The following RIC1 variants were observed in gnomAD, a reference collection of about 807,000 sequenced individuals.
RIC1 encodes guanine nucleotide exchange factor subunit RIC1.
RIC1 carries 88 observed loss-of-function variants against 169.0 expected under a neutral mutation model. The observed-to-expected ratio is 0.52, with a 90% CI of 0.44 to 0.62. RIC1 has a LOEUF of 0.62. RIC1 is among the 20% of genes least tolerant of loss of function. RIC1 has a pLI of 0.00. For missense variants in RIC1, 1,877 were observed against 1,725.5 expected (o/e 1.09, Z -1.56); for synonymous variants, 790 against 601.5 (o/e 1.31, Z -4.59).
intron 1 of RIC1, among the ~76,000 whole-genome samples, chr9:5,647,374 C>A (rs905464616): frequency 6.6e-6 from 1 of 152,204 alleles, no homozygotes; most frequent in Admixed American, 6.5e-5. Context: ...AAAGGACTTA[C>A]ATTGACTATG....
intron 2 of RIC1, among the ~76,000 whole-genome samples, chr9:5,664,246 C>CAA (rs1819624545): frequency 1.3e-5 from 2 of 152,026 alleles, no homozygotes; most frequent in African/African-American, 4.8e-5. Flanking sequence ...CCCATCTCTA[C>CAA]TAAAAATACA....
intron 9 of RIC1, among the ~76,000 whole-genome samples, chr9:5,743,329 A>G (rs1825188808): frequency 6.6e-6 from 1 of 152,184 alleles, no homozygotes; most frequent in Admixed American, 6.6e-5. Flanking sequence ...TAAGGCATGT[A>G]CATAAATAGT....
At chr9:5,656,975 G>A (rs117546677) in intron 2 of RIC1, among the ~76,000 whole-genome samples, 6,900 of 150,312 alleles carry the variant, frequency 0.046, 240 homozygotes, top group African/African-American at 0.085. Flanking sequence ...AAGTCTAACT[G>A]CTTTACTAAT....
chr9:5,745,465 A>G (rs1825322041), intron 10 of RIC1, among the ~76,000 whole-genome samples: 1 of 152,170 alleles, frequency 6.6e-6, no homozygotes, highest in Non-Finnish European at 1.5e-5. Context: ...CAAAAAGCCA[A>G]GCTATAATGA....
chr9:5,767,347 A>G (rs901170868), intron 21 of RIC1, among the ~76,000 whole-genome samples: 1 of 152,190 alleles, frequency 6.6e-6, no homozygotes, highest in Non-Finnish European at 1.5e-5. Flanking sequence ...ATGACTATGA[A>G]TTCACACTAA....
chr9:5,671,151 T>C (rs1296009909), intron 2 of RIC1, among the ~76,000 whole-genome samples: 3 of 152,106 alleles, frequency 2.0e-5, no homozygotes, highest in African/African-American at 7.2e-5. Flanking sequence ...GAATTCAGGC[T>C]CCTCTCCTCC....
intron 2 of RIC1, among the ~76,000 whole-genome samples, chr9:5,688,678 A>C (rs191262426): frequency 1.8e-4 from 27 of 152,332 alleles, no homozygotes; most frequent in African/African-American, 6.3e-4. Context: ...GTCAAAAAGA[A>C]AGCAAACCAC....
intron 3 of RIC1, among the ~76,000 whole-genome samples, chr9:5,711,818 A>G (rs1286517292): frequency 1.3e-5 from 2 of 152,172 alleles, no homozygotes; most frequent in African/African-American, 2.4e-5. Context: ...GAGTGAGAAC[A>G]TGCGGTGTTT....
At chr9:5,762,687 T>A in intron 18 of RIC1, 27 bp downstream of exon 18, 1 of 1,608,330 alleles carries the variant, frequency 6.2e-7, no homozygotes, top group Non-Finnish European at 8.5e-7. Flanking sequence ...TCATTTCTTT[T>A]CAAACATTAA....
chr9:5,757,337 A>G lies in RIC1; in HGVS notation c.1878A>G (p.Gln626=), dbSNP rs201667482. Residue 626 remains glutamine, a synonymous_variant, in exon 17 of 26, where the codon CAA becomes CAG. Coordinates refer to ENST00000414202, the MANE Select transcript of RIC1 (RefSeq NM_020829.4). ...GTCCAAATACTACTGCTGGTATTCA[A>G]GTTCTTCAGGAGGTTTCCATGTCAC... ...SDGPNTTAGI[Q]VLQEVSMSRY... is the part of the protein sequence containing the mutation. The G allele has an allele frequency of 2.7e-4, 438 of 1,614,040 alleles. 1 individual carries two copies. In the South Asian group the frequency reaches 3.9e-3, roughly 14 times the overall value.
At chr9:5,684,261 C>T (rs1320389899) in intron 2 of RIC1, among the ~76,000 whole-genome samples, 1 of 94,328 alleles carries the variant, frequency 1.1e-5, no homozygotes, top group Non-Finnish European at 2.0e-5. Flanking sequence ...TCCTATTTGG[C>T]CATCTTGGCT....
chr9:5,744,383 A>T (rs867439407), intron 10 of RIC1, among the ~76,000 whole-genome samples: 13 of 152,182 alleles, frequency 8.5e-5, no homozygotes, highest in South Asian at 4.1e-4. Context: ...CATATTTTTT[A>T]AAATTTACAT....
intron 3 of RIC1, among the ~76,000 whole-genome samples, chr9:5,710,692 G>T (rs1363274375): frequency 6.6e-6 from 1 of 152,146 alleles, no homozygotes; most frequent in African/African-American, 2.4e-5. Context: ...ATACTTGAAG[G>T]AATGAAAACA....
intron 2 of RIC1, among the ~76,000 whole-genome samples, chr9:5,689,342 C>T (rs146278087): frequency 1.2e-4 from 18 of 152,186 alleles, no homozygotes; most frequent in African/African-American, 4.1e-4. Context: ...TGAGCCACCG[C>T]GCCCGGCCTA....
chr9:5,630,490 G>T (rs528977252), intron 1 of RIC1, among the ~76,000 whole-genome samples: 4 of 152,154 alleles, frequency 2.6e-5, no homozygotes, highest in Non-Finnish European at 5.9e-5. Context: ...AAATCTTTGT[G>T]TGTTGCTGTT....
chr9:5,680,159 G>A (rs886642921), intron 2 of RIC1, among the ~76,000 whole-genome samples: 5 of 152,172 alleles, frequency 3.3e-5, no homozygotes, highest in African/African-American at 9.7e-5. Flanking sequence ...ATTTTCGTAT[G>A]TTGAACCAGC....
chr9:5,646,477 A>T (rs1818520019), intron 1 of RIC1, among the ~76,000 whole-genome samples: 2 of 152,196 alleles, frequency 1.3e-5, no homozygotes, highest in South Asian at 2.1e-4. Context: ...AGTGTAATGC[A>T]TTACTTTTTC....
chr9:5,658,359 C>T (rs1393426601), intron 2 of RIC1, among the ~76,000 whole-genome samples: 1 of 152,020 alleles, frequency 6.6e-6, no homozygotes, highest in Non-Finnish European at 1.5e-5. Context: ...AAAAATTTAG[C>T]ACAGAACAGC....
chr9:5,693,795 A>T (rs763235003), intron 3 of RIC1, among the ~76,000 whole-genome samples: 9 of 152,070 alleles, frequency 5.9e-5, no homozygotes, highest in Non-Finnish European at 1.3e-4. Flanking sequence ...ATATGTCATC[A>T]TCATGTATAC....
Sources: allele counts gnomAD v4.1 joint callset (sites outside exome capture counted in the v4.1 genomes callset), GRCh38; gene constraint gnomAD v4.1.1; transcripts MANE v1.5; gene names NCBI Gene and HGNC (gene_info 2026-07-23, HGNC 2026-07-21).